Variants in PTPRD observed in about 807,000 individuals in gnomAD.
PTPRD encodes the protein receptor-type tyrosine-protein phosphatase delta.
Under a neutral mutation model 214.5 loss-of-function variants are expected in PTPRD, and 34 were observed. The ratio of observed to expected loss-of-function variants is 0.16; its 90% confidence interval spans 0.12 to 0.21. PTPRD has a LOEUF of 0.21. Ranked by LOEUF, PTPRD falls within the 10% of genes least tolerant of loss-of-function variation. The pLI is 1.00. For synonymous variants in PTPRD, 1,128 were observed against 845.7 expected (o/e 1.33, Z -5.79); for missense variants, 2,545 against 2,398.7 (o/e 1.06, Z -1.27).
In PTPRD at chr9:10,331,293, C is replaced by G. The variant is rs529754519; in HGVS notation, c.-545+9670G>C. Among the ~76,000 whole-genome samples, 14 of 151,834 alleles carry G rather than the reference C, an allele frequency of 9.2e-5. 1 individual carries two copies. Among genetic ancestry groups the G allele is most frequent in the African/African-American group, 3.1e-4 (13 of 41,486 alleles). On this transcript the variant is annotated intron_variant, in intron 3 of 45. Coordinates refer to ENST00000381196, the MANE Select transcript of PTPRD (RefSeq NM_002839.4). ...AAACCATCTGGCCATGGCTTTGGACCCCTGCAGTACGAGGAAGCTAAAAGG... is the reference window on the plus strand; with the variant it reads ...AAACCATCTGGCCATGGCTTTGGACGCCTGCAGTACGAGGAAGCTAAAAGG...
intron 12 of PTPRD, among the ~76,000 whole-genome samples, chr9:8,699,851 G>T (rs1187988782): frequency 6.6e-6 from 1 of 151,778 alleles, no homozygotes; most frequent in Non-Finnish European, 1.5e-5. Flanking sequence ...AAAATCTGCA[G>T]AAAGCCTAGC....
At chr9:9,950,227 C>T (rs1422798199) in intron 4 of PTPRD, among the ~76,000 whole-genome samples, 1 of 152,156 alleles carries the variant, frequency 6.6e-6, no homozygotes, top group Non-Finnish European at 1.5e-5. Flanking sequence ...CTCTCGTCTT[C>T]TCTCTGGGAC....
In PTPRD at chr9:10,398,703, T is replaced by C. The variant is rs542066771; in HGVS notation, c.-599-57686A>G. On this transcript the variant is annotated intron_variant, in intron 2 of 45. Coordinates refer to ENST00000381196, the MANE Select transcript of PTPRD (RefSeq NM_002839.4). ...GAGCAGAGAAAGTAATCGGTATTAG[T>C]AGTCGTGATAATAATGATGATGATA... is the stretch of plus-strand genomic sequence containing the variant. Among the ~76,000 whole-genome samples, 7 of 152,100 alleles carry C rather than the reference T, an allele frequency of 4.6e-5. No homozygotes were observed. The South Asian group carries it at 1.5e-3, about 32-fold the overall frequency.
At chr9:8,377,734 A>T (rs921568369) in intron 37 of PTPRD, among the ~76,000 whole-genome samples, 6 of 152,116 alleles carry the variant, frequency 3.9e-5, no homozygotes, top group African/African-American at 7.2e-5. Flanking sequence ...AGAAAATCAC[A>T]ATCTTTGGAT....
At chr9:9,611,668 T>A (rs150944270) in intron 7 of PTPRD, among the ~76,000 whole-genome samples, 1 of 152,076 alleles carries the variant, frequency 6.6e-6, no homozygotes, top group East Asian at 1.9e-4. Context: ...TGTGTATCCA[T>A]TGTACAATCA....
chr9:9,908,177 A>T (rs974544173), intron 5 of PTPRD, among the ~76,000 whole-genome samples: 14 of 152,030 alleles, frequency 9.2e-5, no homozygotes, highest in Admixed American at 3.9e-4. Context: ...TTGAAAGAAG[A>T]TGGTAAATTC....
At position 10,462,519 on chromosome 9, in the gene PTPRD, T is replaced by C. The variant is rs143797118; in HGVS notation, c.-599-121502A>G. ...CAAAAGCCTGTGCTCTTTAGAGCAT[T>C]CCACACTGTGGGGCACATAATGTAA... On this transcript the variant is annotated intron_variant, in intron 2 of 45. Transcript: ENST00000381196. Among the ~76,000 whole-genome samples the C allele has an allele frequency of 7.2e-5, 11 of 152,272 alleles. No homozygotes were observed. In the East Asian group the frequency reaches 2.1e-3, roughly 29 times the overall value.
chr9:8,341,572 G>T, intron 40 of PTPRD, 121 bp downstream of exon 40: 2 of 1,165,422 alleles, frequency 1.7e-6, no homozygotes, highest in South Asian at 1.5e-5. Context: ...TCATACACCT[G>T]AGGGAAAGGT....
chr9:8,992,943 T>C (rs1322501764), intron 11 of PTPRD, among the ~76,000 whole-genome samples: 1 of 152,126 alleles, frequency 6.6e-6, no homozygotes, highest in Non-Finnish European at 1.5e-5. Context: ...TGGTTTGCAA[T>C]TTGCTTTCAA....
At chr9:10,464,338 T>C (rs762654764) in intron 2 of PTPRD, among the ~76,000 whole-genome samples, 1 of 151,696 alleles carries the variant, frequency 6.6e-6, no homozygotes, top group Non-Finnish European at 1.5e-5. Context: ...CGAGGTCATG[T>C]CACTGCACTC....
chr9:9,970,375 G>A (rs777018904), intron 4 of PTPRD, among the ~76,000 whole-genome samples: 10 of 148,966 alleles, frequency 6.7e-5, no homozygotes, highest in South Asian at 6.4e-4. Flanking sequence ...GCGTGAACCC[G>A]GGAGGCGGAG....
At chr9:9,664,996 A>G (rs1374336069) in intron 7 of PTPRD, among the ~76,000 whole-genome samples, 1 of 151,702 alleles carries the variant, frequency 6.6e-6, no homozygotes. Flanking sequence ...CAGCCTTCAT[A>G]CTCATATTAT....
chr9:8,529,367 G>A (rs981746825), intron 14 of PTPRD, among the ~76,000 whole-genome samples: 4 of 151,950 alleles, frequency 2.6e-5, no homozygotes, highest in Non-Finnish European at 5.9e-5. Context: ...AACCCAAATC[G>A]ATTACTTTGT....
chr9:10,529,080 C>T (rs564502915), intron 2 of PTPRD, among the ~76,000 whole-genome samples: 51 of 152,080 alleles, frequency 3.4e-4, no homozygotes, highest in African/African-American at 1.1e-3. Flanking sequence ...ATTTTCATGA[C>T]AATGAAAGCA....
At chr9:10,478,704 G>C (rs1337613106) in intron 2 of PTPRD, among the ~76,000 whole-genome samples, 1 of 151,428 alleles carries the variant, frequency 6.6e-6, no homozygotes, top group African/African-American at 2.4e-5. Context: ...TACAATTACA[G>C]AGTTACTATA....
At chr9:9,150,788 T>C (rs567662791) in intron 10 of PTPRD, among the ~76,000 whole-genome samples, 2 of 152,268 alleles carry the variant, frequency 1.3e-5, no homozygotes, top group African/African-American at 4.8e-5. Context: ...TATATTTTTA[T>C]ATGAAAACAA....
In PTPRD at chr9:9,869,948, T is replaced by C. The variant is rs1220162666; in HGVS notation, c.-368+68559A>G. ...AGCAATGGTTGCTAATTTTGTAAAG[T>C]TTGTCCATAGCACTGTAGCATGTGT... On this transcript the variant is annotated intron_variant, in intron 5 of 45. Transcript: ENST00000381196. Among the ~76,000 whole-genome samples, 3 of 152,108 alleles carry C rather than the reference T, an allele frequency of 2.0e-5. No homozygotes were observed. The East Asian group carries it at 5.8e-4, about 29-fold the overall frequency.
intron 44 of PTPRD, among the ~76,000 whole-genome samples, chr9:8,325,195 T>A (rs1832423735): frequency 6.6e-6 from 1 of 150,542 alleles, no homozygotes; most frequent in Non-Finnish European, 1.5e-5. Flanking sequence ...TGAATGGTAT[T>A]GCCTAGGTTT....
At chr9:10,121,900 A>G (rs1279919411) in intron 3 of PTPRD, among the ~76,000 whole-genome samples, 1 of 152,174 alleles carries the variant, frequency 6.6e-6, no homozygotes, top group Non-Finnish European at 1.5e-5. Flanking sequence ...GACTTTGACT[A>G]CAATTTCACC....
Sources: gnomAD v4.1 joint callset for allele counts (sites outside exome capture counted in the v4.1 genomes callset) on GRCh38, gnomAD v4.1.1 for gene constraint, MANE v1.5 for transcripts, NCBI Gene and HGNC (gene_info 2026-07-23, HGNC 2026-07-21) for gene names.